Variants in MTSS1 observed in about 807,000 individuals in gnomAD.
MTSS1 encodes the protein protein MTSS 1.
In MTSS1, 18 loss-of-function variants were observed where a neutral mutation model predicts 79.0. That is an observed-to-expected ratio of 0.23 (90% CI 0.16 to 0.34). The LOEUF (loss-of-function observed/expected upper bound fraction) is 0.34, where lower values mean the gene tolerates loss of function less well. MTSS1 is among the 10% of genes least tolerant of loss of function. The pLI is 1.00. For synonymous variants in MTSS1, 341 were observed against 368.6 expected (o/e 0.93, Z 0.86); for missense variants, 815 against 986.2 (o/e 0.83, Z 2.33).
intron 3 of MTSS1, among the ~76,000 whole-genome samples, chr8:124,633,469 T>C (rs893071704): frequency 1.3e-5 from 2 of 152,158 alleles, no homozygotes; most frequent in African/African-American, 4.8e-5. Context: ...CCATTCTCAG[T>C]AGGTGAAAAC....
chr8:124,585,099 T>C lies in MTSS1; in HGVS notation c.448A>G (p.Lys150Glu). 2 of 1,613,080 alleles carry C rather than the reference T, an allele frequency of 1.2e-6. No individual in the cohort carries two copies. Among genetic ancestry groups the C allele is most frequent in the Non-Finnish European group, 8.5e-7 (1 of 1,179,756 alleles). ...TTTTAGGAGTTACCTTTTTTTGCTT[T>C]CTTCTGCAGTTTCAGCGTATCCGAG... is the stretch of plus-strand genomic sequence containing the variant. Reference protein sequence around the residue: ...KSSDTLKLQKKAKKGRGDIQP... With the variant: ...KSSDTLKLQKEAKKGRGDIQP... The change falls in exon 6 of 14, where the codon AAA (lysine) becomes GAA (glutamate). Residue 150 changes from lysine to glutamate, a missense_variant. Transcript: ENST00000518547.
intron 3 of MTSS1, among the ~76,000 whole-genome samples, chr8:124,650,457 T>A (rs923921137): frequency 1.9e-4 from 29 of 152,190 alleles, no homozygotes; most frequent in Non-Finnish European, 3.7e-4. Context: ...CATCCATATA[T>A]GGCGCAGGGC....
intron 4 of MTSS1, among the ~76,000 whole-genome samples, chr8:124,590,727 G>A (rs577222764): frequency 3.9e-5 from 6 of 152,176 alleles, no homozygotes; most frequent in East Asian, 1.9e-4. Context: ...GGAAGCTGGC[G>A]GTGTGGAGTG....
intron 3 of MTSS1, among the ~76,000 whole-genome samples, chr8:124,643,124 C>G (rs1818361534): frequency 2.0e-5 from 3 of 151,974 alleles, no homozygotes; most frequent in African/African-American, 4.8e-5. Context: ...ATTGGTAACC[C>G]CTAGTGTTAA....
chr8:124,557,716 C>G lies in MTSS1; in HGVS notation c.1195G>C (p.Gly399Arg), dbSNP rs778443080. 2.5e-6 allele frequency: 4 copies of G among 1,593,866 alleles called. No individual in the cohort carries two copies. Among genetic ancestry groups the G allele is most frequent in the South Asian group, 1.1e-5 (1 of 87,418 alleles). Residue 399 changes from glycine to arginine, a missense_variant, in exon 11 of 14, where the codon GGC becomes CGC. By Grantham distance (125) the Gly-to-Arg change is moderately radical. Around this residue, in one of 2 missense-constraint regions of MTSS1, gnomAD observed 590 missense variants for 620.8 expected, o/e 0.95. Transcript: ENST00000518547. Reference protein sequence around the residue: ...DYAHYYTIGPGMFPSSQIPSW... With the variant: ...DYAHYYTIGPRMFPSSQIPSW... ...GGGATCTGAGATGACGGGAACATGC[C>G]GGGCCCAATGGTGTAATAATGAGCG...
At chr8:124,607,372 ATCT>A (rs1428431498) in intron 3 of MTSS1, among the ~76,000 whole-genome samples, 2 of 152,180 alleles carry the variant, frequency 1.3e-5, no homozygotes, top group Admixed American at 6.5e-5. Context: ...CTCGTATACT[ATCT>A]TCTTCTCCTC....
intron 3 of MTSS1, among the ~76,000 whole-genome samples, chr8:124,656,077 C>G (rs895205269): frequency 1.3e-5 from 2 of 152,226 alleles, no homozygotes; most frequent in African/African-American, 4.8e-5. Flanking sequence ...AGCATTGAAT[C>G]TGACTGTGTT....
At chr8:124,562,749 G>C (rs1309282444) in intron 10 of MTSS1, 33 bp downstream of exon 10, 1 of 1,593,618 alleles carries the variant, frequency 6.3e-7, no homozygotes, top group South Asian at 1.1e-5. Flanking sequence ...CACCAGGTGT[G>C]ACAGCTGCTC....
chr8:124,718,593 A>T (rs952164447), intron 1 of MTSS1, among the ~76,000 whole-genome samples: 7 of 152,106 alleles, frequency 4.6e-5, no homozygotes, highest in Non-Finnish European at 8.8e-5. Flanking sequence ...AAACTCAAAG[A>T]CTTCCTTAAT....
At chr8:124,652,551 C>A (rs557391473) in intron 3 of MTSS1, among the ~76,000 whole-genome samples, 2 of 149,722 alleles carry the variant, frequency 1.3e-5, no homozygotes, top group African/African-American at 2.4e-5. Flanking sequence ...TTAAAAATTT[C>A]TAAAGGCCAC....
At chr8:124,606,552 G>C (rs904277126) in intron 3 of MTSS1, among the ~76,000 whole-genome samples, 2 of 152,100 alleles carry the variant, frequency 1.3e-5, no homozygotes, top group Non-Finnish European at 2.9e-5. Flanking sequence ...TTACATCCAG[G>C]GCTGAGTCGA....
chr8:124,553,783 G>T lies in MTSS1; in HGVS notation c.1568-91C>A. On this transcript the variant is annotated intron_variant, in intron 13 of 13. Transcript: ENST00000518547. The surrounding 1 kb of genome is among the most constrained non-coding windows in gnomAD (Gnocchi z 6.0). Reference sequence around the variant, plus strand: ...GGGAGGACAAAAGGCACGCAAGGCAGGGTACACACACAGTCTCATCCCAAG... The same window carrying T: ...GGGAGGACAAAAGGCACGCAAGGCATGGTACACACACAGTCTCATCCCAAG... The T allele has an allele frequency of 8.7e-7, 1 of 1,146,906 alleles. No homozygotes were observed. Among genetic ancestry groups the T allele is most frequent in the Non-Finnish European group, 1.2e-6 (1 of 812,616 alleles). 71.0% of individuals were successfully genotyped at this position (1,146,906 alleles called of 1,614,324 possible).
chr8:124,604,815 C>T (rs1834513840), intron 3 of MTSS1, among the ~76,000 whole-genome samples: 2 of 150,800 alleles, frequency 1.3e-5, no homozygotes, highest in Non-Finnish European at 2.9e-5. Flanking sequence ...TCTCCCACTT[C>T]TCAGTCTCTC....
chr8:124,719,103 T>C (rs1832544348), intron 1 of MTSS1, among the ~76,000 whole-genome samples: 1 of 152,208 alleles, frequency 6.6e-6, no homozygotes, highest in African/African-American at 2.4e-5. Flanking sequence ...AGCCCAGTCC[T>C]GTGGAGAGGC....
chr8:124,555,660 G>C, intron 13 of MTSS1, 82 bp downstream of exon 13: 2 of 1,429,760 alleles, frequency 1.4e-6, no homozygotes, highest in Non-Finnish European at 1.9e-6. Flanking sequence ...GTGGGTTGTG[G>C]TTAAAATGGA....
chr8:124,622,372 T>G (rs949050807), intron 3 of MTSS1, among the ~76,000 whole-genome samples: 2 of 149,866 alleles, frequency 1.3e-5, no homozygotes, highest in Non-Finnish European at 2.9e-5. Flanking sequence ...GAGGCAGATA[T>G]GCAAGATGCA....
intron 3 of MTSS1, among the ~76,000 whole-genome samples, chr8:124,667,904 C>A (rs7832382): frequency 0.077 from 11,596 of 151,316 alleles, 619 homozygotes; most frequent in Non-Finnish European, 0.11. Flanking sequence ...ATGGCGAGAC[C>A]CTTTCTCTAT....
At chr8:124,565,927 C>A in intron 8 of MTSS1, 168 bp from the exon 9 acceptor site, 13 of 510,958 alleles carry the variant, frequency 2.5e-5, no homozygotes, top group Non-Finnish European at 3.5e-5. Flanking sequence ...AGTACCAAAT[C>A]CATCAATATC....
chr8:124,585,074 T>C lies in MTSS1; in HGVS notation c.460+13A>G, dbSNP rs1272802091. On this transcript the variant is annotated intron_variant, in intron 6 of 13. Coordinates refer to ENST00000518547, the MANE Select transcript of MTSS1 (RefSeq NM_014751.6). ...TCAGGAAGTAACATCAGTGGCAGAA[T>C]TTTAGGAGTTACCTTTTTTTGCTTT... 1 of 1,610,034 alleles carries C rather than the reference T, an allele frequency of 6.2e-7. No individual in the cohort carries two copies. Among genetic ancestry groups the C allele is most frequent in the Non-Finnish European group, 8.5e-7 (1 of 1,177,856 alleles).
Sources: allele counts gnomAD v4.1 joint callset (sites outside exome capture counted in the v4.1 genomes callset), GRCh38; gene constraint gnomAD v4.1.1; regional missense constraint gnomAD v4.1.1; non-coding constraint Gnocchi (gnomAD v3.1); transcripts MANE v1.5; gene names NCBI Gene and HGNC (gene_info 2026-07-23, HGNC 2026-07-21).